The following SLC35C1 variants were observed in gnomAD, a reference collection of about 807,000 sequenced individuals.
SLC35C1 encodes GDP-fucose transporter 1.
Under a neutral mutation model 23.2 loss-of-function variants are expected in SLC35C1, and 8 were observed. The observed-to-expected ratio is 0.35, with a 90% CI of 0.20 to 0.62. SLC35C1 has a LOEUF of 0.62. SLC35C1 is among the 20% of genes least tolerant of loss of function. The probability of loss-of-function intolerance (pLI) is 0.75; values close to 1 mark genes in which losing one functional copy is unlikely to be tolerated. For synonymous variants in SLC35C1, 226 were observed against 225.1 expected, an observed-to-expected ratio of 1.00 and a Z score of -0.04; for missense variants, 422 against 478.6, an observed-to-expected ratio of 0.88 and a Z score of 1.10.
Position 45,805,921 on chromosome 11 carries a change from G to C in SLC35C1, c.120G>C (p.Gln40His), listed in dbSNP as rs1554953091. Residue 40 changes from glutamine to histidine, a missense_variant, in exon 1 of 2, where the codon CAG (glutamine) becomes CAC (histidine). Physicochemically the swap from Gln to His is conservative, Grantham distance 24. Coordinates refer to ENST00000314134, the MANE Select transcript of SLC35C1 (RefSeq NM_018389.5). The stretch of plus-strand genomic sequence containing the variant: ...AGCCCTTTCTGCTGCGGGCATTGCA[G>C]ATCGCGCTGGTGGTCTCCCTCTACT... ...GEKPFLLRAL[Q>H]IALVVSLYWV... 3.7e-6 allele frequency: 6 copies of C among 1,614,208 alleles called. No homozygotes were observed. The Admixed American group carries it at 5.0e-5, about 13-fold the overall frequency.
At position 45,805,393 on chromosome 11, in the gene SLC35C1, G is replaced by T; in HGVS notation, c.-409G>T. ...CCCTCTCGGCACCTCTTCCCACTCTGCCACGCGTCCTTTTCCTGCACCTTC... is the reference window on the plus strand; with the variant it reads ...CCCTCTCGGCACCTCTTCCCACTCTTCCACGCGTCCTTTTCCTGCACCTTC... On this transcript the variant is annotated 5_prime_UTR_variant, in exon 1 of 2. Coordinates refer to ENST00000314134, the MANE Select transcript of SLC35C1 (RefSeq NM_018389.5). 1 of 980,010 alleles carries T rather than the reference G, an allele frequency of 1.0e-6. No homozygotes were observed. Among genetic ancestry groups the T allele is most frequent in the Non-Finnish European group, 1.2e-6 (1 of 835,340 alleles). The allele number at this position is 980,010 out of a possible 1,614,324, so 60.7% of individuals were successfully genotyped here. A position where few individuals can be genotyped will look rare whatever the true frequency, so the allele number is the denominator to read the frequency against.
intron 1 of SLC35C1, among the ~76,000 whole-genome samples, chr11:45,807,481 C>T (rs1466267965): frequency 6.6e-6 from 1 of 152,128 alleles, no homozygotes; most frequent in Non-Finnish European, 1.5e-5. Context: ...CCATTCCCTC[C>T]GAGTCTTCCC....
chr11:45,812,720 A>G lies in SLC35C1; in HGVS notation c.*1385A>G, dbSNP rs1164001327. The G allele has an allele frequency of 1.1e-5, 5 of 450,352 alleles. No individual in the cohort carries two copies. Among genetic ancestry groups the G allele is most frequent in the Admixed American group, 2.4e-5 (1 of 42,164 alleles). 27.9% of individuals were successfully genotyped at this position (450,352 alleles called of 1,614,324 possible). On this transcript the variant is annotated 3_prime_UTR_variant, in exon 2 of 2. Transcript: ENST00000314134. The stretch of plus-strand genomic sequence containing the variant: ...TGTCACCTTGGGGGTGAGAATTCCA[A>G]TGTGAATTTGCAGGGGGAGTGGGGG...
intron 1 of SLC35C1, chr11:45,806,873 G>C: frequency 1.0e-6 from 1 of 984,840 alleles, no homozygotes. Context: ...AGGACAATAC[G>C]TCTTTTAATA....
upstream of SLC35C1, chr11:45,804,220 G>A (rs1329690520): frequency 6.6e-6 from 1 of 152,620 alleles, no homozygotes; most frequent in Admixed American, 6.5e-5. Context: ...AAAGAGGAGA[G>A]GGCCTCCTCC....
chr11:45,810,817 A>C lies in SLC35C1; in HGVS notation c.577A>C (p.Thr193Pro), dbSNP rs1590747025. The C allele has an allele frequency of 1.2e-6, 2 of 1,612,864 alleles. No individual in the cohort carries two copies. The highest frequency in any genetic ancestry group is 2.2e-5 in the East Asian group (1 of 44,872). ...TGTGGACCAGGAGGGGGCAGAAGGCACCCTGTCGTGGCTGGGCACCGTCTT... is the reference window on the plus strand; with the variant it reads ...TGTGGACCAGGAGGGGGCAGAAGGCCCCCTGTCGTGGCTGGGCACCGTCTT... ...LGVDQEGAEG[T>P]LSWLGTVFGV... is the part of the protein sequence containing the mutation. The change falls in exon 2 of 2, where the codon ACC becomes CCC. Residue 193 changes from threonine (T) to proline (P), a missense_variant. Physicochemically the swap from Thr to Pro is conservative, Grantham distance 38. Transcript: ENST00000314134.
At chr11:45,807,672 G>T (rs537860242) in intron 1 of SLC35C1, among the ~76,000 whole-genome samples, 1 of 152,322 alleles carries the variant, frequency 6.6e-6, no homozygotes, top group Admixed American at 6.5e-5. Context: ...CCTAGAAAAT[G>T]TTTCCCCTTG....
rs2085862524 is a variant in SLC35C1, at chr11:45,805,690, A to G, written c.-112A>G. The G allele has an allele frequency of 5.0e-6, 8 of 1,585,522 alleles. No homozygotes were observed. The highest frequency in any genetic ancestry group is 6.8e-6 in the Non-Finnish European group (8 of 1,173,600). ...TGGGGAGGCCTTTAGGCCAGCCCAC[A>G]TGTGACAATGGAGGGCTGCGGCTTC... On this transcript the variant is annotated 5_prime_UTR_variant, in exon 1 of 2. The change abolishes an upstream ATG in the 5' untranslated region. Transcript: ENST00000314134.
chr11:45,810,668 G>GC, intron 1 of SLC35C1, 108 bp from the exon 2 acceptor site: 1 of 1,474,006 alleles, frequency 6.8e-7, no homozygotes. Flanking sequence ...AACGGGGAGG[G>GC]CCGCAATACT....
chr11:45,811,554 T>C lies in SLC35C1; in HGVS notation c.*219T>C, dbSNP rs1249579886. ...AGTGTTTACAAGTAATACCAGAAAG[T>C]TGCCAAACCCTTCTCTATCCTCTCG... On this transcript the variant is annotated 3_prime_UTR_variant, in exon 2 of 2. Coordinates refer to ENST00000314134, the MANE Select transcript of SLC35C1 (RefSeq NM_018389.5). 6.3e-6 allele frequency: 3 copies of C among 475,650 alleles called. No individual in the cohort carries two copies. The highest frequency in any genetic ancestry group is 7.5e-5 in the Admixed American group (2 of 26,714). The allele number at this position is 475,650 out of a possible 1,614,324, so 29.5% of individuals were successfully genotyped here.
chr11:45,810,042 A>G, intron 1 of SLC35C1: 1 of 985,016 alleles, frequency 1.0e-6, no homozygotes, highest in South Asian at 4.7e-5. Flanking sequence ...GAACAAGGAC[A>G]CTGAGGCCCA....
At chr11:45,804,087 C>A (rs932515973), upstream of SLC35C1, 6 of 152,308 alleles carry the variant, frequency 3.9e-5, no homozygotes, top group Non-Finnish European at 5.9e-5. Flanking sequence ...GCACGCACTT[C>A]TGGAAGTGCA....
Position 45,809,868 on chromosome 11 carries a change from G to T in SLC35C1, c.536-908G>T, listed in dbSNP as rs534599457. On this transcript the variant is annotated intron_variant, in intron 1 of 1. Coordinates refer to ENST00000314134, the MANE Select transcript of SLC35C1 (RefSeq NM_018389.5). ...GACCAGACTGTCACCATGGGCAGGG[G>T]CCCAGCAGCCCAGAGCAGGCAAGGG... 8 of 985,438 alleles carry T rather than the reference G, an allele frequency of 8.1e-6. No homozygotes were observed. In the African/African-American group the frequency reaches 1.4e-4, roughly 17 times the overall value. The allele number at this position is 985,438 out of a possible 1,614,324, so 61.0% of individuals were successfully genotyped here. A position where few individuals can be genotyped will look rare whatever the true frequency, so the allele number is the denominator to read the frequency against.
rs1296974450 is a variant in SLC35C1, at chr11:45,810,905, C to T, written c.665C>T (p.Ala222Val). ...ATCTACACCACGAAGGTGCTCCCGG[C>T]GGTGGACGGCAGCATCTGGCGCCTG... is the stretch of plus-strand genomic sequence containing the variant. ...NAIYTTKVLP[A>V]VDGSIWRLTF... Residue 222 changes from alanine (A) to valine (V), a missense_variant, in exon 2 of 2, where the codon GCG becomes GTG. Coordinates refer to ENST00000314134, the MANE Select transcript of SLC35C1 (RefSeq NM_018389.5). 3.7e-6 allele frequency: 6 copies of T among 1,612,186 alleles called. No homozygotes were observed. Among genetic ancestry groups the T allele is most frequent in the Middle Eastern group, 1.6e-4 (1 of 6,062 alleles).
In SLC35C1 at chr11:45,805,769, C is replaced by A; in HGVS notation, c.-33C>A. On this transcript the variant is annotated 5_prime_UTR_variant, in exon 1 of 2. The change creates a new upstream start codon in the 5' untranslated region. Transcript: ENST00000314134. ...CCCTGGACTCCAGGGAATCAGAGTT[C>A]TGGCCGCGGGGTGACCCAGCTCCTC... 1.2e-6 allele frequency: 2 copies of A among 1,609,188 alleles called. No homozygotes were observed. Among genetic ancestry groups the A allele is most frequent in the South Asian group, 1.1e-5 (1 of 91,016 alleles).
At chr11:45,806,625 G>A (rs185423152) in intron 1 of SLC35C1, among the ~76,000 whole-genome samples, 2 of 152,362 alleles carry the variant, frequency 1.3e-5, no homozygotes, top group East Asian at 3.8e-4. Flanking sequence ...ATGGATCTTA[G>A]CCATATTAAC....
upstream of SLC35C1, chr11:45,804,407 G>A (rs2085844590): frequency 3.5e-6 from 3 of 862,020 alleles, no homozygotes; most frequent in Non-Finnish European, 4.2e-6. Context: ...CGGGCGCCCA[G>A]TGCACCGGAG....
intron 1 of SLC35C1, chr11:45,810,435 G>A (rs1161130842): frequency 1.0e-6 from 1 of 985,276 alleles, no homozygotes; most frequent in Non-Finnish European, 1.2e-6. Context: ...CCCACTTACA[G>A]GCTCTCACAG....
chr11:45,811,964 C>G lies in SLC35C1; in HGVS notation c.*629C>G, dbSNP rs2085953242. The G allele has an allele frequency of 6.4e-6, 1 of 155,560 alleles. No individual in the cohort carries two copies. Among genetic ancestry groups the G allele is most frequent in the Admixed American group, 6.2e-5 (1 of 16,100 alleles). 9.6% of individuals were successfully genotyped at this position (155,560 alleles called of 1,614,324 possible). On this transcript the variant is annotated 3_prime_UTR_variant, in exon 2 of 2. Coordinates refer to ENST00000314134, the MANE Select transcript of SLC35C1 (RefSeq NM_018389.5). ...GGGGTGGATTGTGAGAAAGTGCTCA[C>G]CATCTATACACCCTGTATGTCCAGC...
Sources: gnomAD v4.1 joint callset for allele counts (sites outside exome capture counted in the v4.1 genomes callset) on GRCh38, gnomAD v4.1.1 for gene constraint, MANE v1.5 for transcripts, NCBI Gene and HGNC (gene_info 2026-07-23, HGNC 2026-07-21) for gene names.